PAPPA2: variants seen among roughly 807,000 people sequenced by gnomAD.
PAPPA2 encodes the protein pappalysin-2.
A neutral mutation model predicts 176.4 loss-of-function variants in PAPPA2; 86 were observed. The observed-to-expected ratio is 0.49, with a 90% CI of 0.41 to 0.58. The LOEUF (loss-of-function observed/expected upper bound fraction) is 0.58. PAPPA2 is among the 20% of genes least tolerant of loss of function. The pLI, the probability that PAPPA2 is intolerant of heterozygous loss-of-function variation, is 0.00. For synonymous variants in PAPPA2, 809 were observed against 852.2 expected (o/e 0.95, Z 0.88); for missense variants, 2,073 against 2,256.9 (o/e 0.92, Z 1.65).
At chr1:176,748,007 CAGCAA>C (rs1032716902) in intron 14 of PAPPA2, among the ~76,000 whole-genome samples, 1 of 152,230 alleles carries the variant, frequency 6.6e-6, no homozygotes, top group African/African-American at 2.4e-5. Context: ...AAGAGTCTCT[CAGCAA>C]GTAAATTTTA....
intron 2 of PAPPA2, among the ~76,000 whole-genome samples, chr1:176,581,254 C>A (rs940855086): frequency 5.3e-5 from 8 of 152,228 alleles, no homozygotes; most frequent in Admixed American, 1.3e-4. Flanking sequence ...GTACCTTAGT[C>A]AAAAATCAGT....
At position 176,594,702 on chromosome 1, in the gene PAPPA2, T is replaced by C. The variant is rs377213432; in HGVS notation, c.1098T>C (p.His366=). 2 of 1,614,208 alleles carry C rather than the reference T, an allele frequency of 1.2e-6. No individual in the cohort carries two copies. The highest frequency in any genetic ancestry group is 1.3e-5 in the African/African-American group (1 of 75,070). Residue 366 remains histidine (H), a synonymous_variant, in exon 3 of 23, where the codon CAT becomes CAC. Transcript: ENST00000367662. Reference sequence around the variant, plus strand: ...GCTACCAACCAGGCACATGGACCCATGTGGCAGCCACTTACGATGGACGGC... The same window carrying C: ...GCTACCAACCAGGCACATGGACCCACGTGGCAGCCACTTACGATGGACGGC... ...HSRYQPGTWT[H]VAATYDGRHM...
intron 2 of PAPPA2, among the ~76,000 whole-genome samples, chr1:176,567,711 GT>G (rs1259435632): frequency 2.0e-5 from 3 of 152,198 alleles, no homozygotes; most frequent in African/African-American, 7.2e-5. Context: ...CAAATTATAT[GT>G]GTATATGTAA....
intron 14 of PAPPA2, among the ~76,000 whole-genome samples, chr1:176,747,530 T>C (rs1348347288): frequency 6.6e-6 from 1 of 152,164 alleles, no homozygotes; most frequent in Non-Finnish European, 1.5e-5. Flanking sequence ...AAATCTTGTT[T>C]CTTAGAGAAG....
chr1:176,636,836 C>G (rs907607847), intron 3 of PAPPA2, among the ~76,000 whole-genome samples: 8 of 152,058 alleles, frequency 5.3e-5, no homozygotes, highest in African/African-American at 1.9e-4. Flanking sequence ...TTTTTAAGAA[C>G]CTATGTTCTT....
chr1:176,835,423 G>T (rs1667234815), intron 21 of PAPPA2, among the ~76,000 whole-genome samples: 1 of 152,126 alleles, frequency 6.6e-6, no homozygotes, highest in African/African-American at 2.4e-5. Context: ...CCCAGTGGTG[G>T]GATTGCTGGA....
At chr1:176,674,850 A>G (rs979930072) in intron 4 of PAPPA2, among the ~76,000 whole-genome samples, 6 of 151,264 alleles carry the variant, frequency 4.0e-5, no homozygotes, top group African/African-American at 9.7e-5. Context: ...AGGGATCTCC[A>G]TACTGTTTTT....
At chr1:176,507,063 A>C (rs1648309697) in intron 1 of PAPPA2, among the ~76,000 whole-genome samples, 1 of 152,152 alleles carries the variant, frequency 6.6e-6, no homozygotes, top group African/African-American at 2.4e-5. Context: ...AATATCCAGA[A>C]TCTATAGGGA....
intron 17 of PAPPA2, among the ~76,000 whole-genome samples, chr1:176,787,101 TTTG>T (rs1664970868): frequency 6.6e-6 from 1 of 152,184 alleles, no homozygotes; most frequent in Admixed American, 6.5e-5. Flanking sequence ...AAAAGTGCTG[TTTG>T]GAGGATTCAA....
At position 176,769,696 on chromosome 1, in the gene PAPPA2, G is replaced by A. The variant is rs267598194; in HGVS notation, c.4413G>A (p.Leu1471=). 2 of 1,613,950 alleles carry A rather than the reference G, an allele frequency of 1.2e-6. No homozygotes were observed. Among genetic ancestry groups the A allele is most frequent in the Admixed American group, 1.7e-5 (1 of 59,976 alleles). The change falls in exon 16 of 23, where the codon TTG becomes TTA. Residue 1471 remains leucine (L), a synonymous_variant. Coordinates refer to ENST00000367662, the MANE Select transcript of PAPPA2 (RefSeq NM_020318.3). ...ACTGCGGTGTTCCCGACCCGTCTTT[G>A]GTGAACTATGCAAACTTCTCCTGCT... The part of the protein sequence containing the change: ...PVDCGVPDPS[L]VNYANFSCSE...
intron 9 of PAPPA2, among the ~76,000 whole-genome samples, chr1:176,703,043 T>C (rs1660733759): frequency 6.6e-6 from 1 of 152,048 alleles, no homozygotes; most frequent in Admixed American, 6.6e-5. Flanking sequence ...GGGCCCCTTT[T>C]ATGGCCTCAG....
chr1:176,682,652 A>AC (rs1659640312), intron 4 of PAPPA2, among the ~76,000 whole-genome samples: 2 of 151,702 alleles, frequency 1.3e-5, no homozygotes, highest in African/African-American at 4.9e-5. Flanking sequence ...TAGCTATAAA[A>AC]AATAAAGATT....
intron 1 of PAPPA2, among the ~76,000 whole-genome samples, chr1:176,491,359 G>A (rs1204457789): frequency 6.6e-6 from 1 of 152,230 alleles, no homozygotes; most frequent in Non-Finnish European, 1.5e-5. Context: ...GGAGTTGGGA[G>A]CTGTCTTCAT....
chr1:176,667,344 G>A (rs1456775119), intron 3 of PAPPA2, among the ~76,000 whole-genome samples: 1 of 152,160 alleles, frequency 6.6e-6, no homozygotes, highest in Non-Finnish European at 1.5e-5. Flanking sequence ...GTGGAGTAAG[G>A]GGAGAGCCCA....
intron 2 of PAPPA2, among the ~76,000 whole-genome samples, chr1:176,571,438 G>C (rs1344195907): frequency 2.6e-5 from 4 of 152,154 alleles, no homozygotes; most frequent in Admixed American, 1.3e-4. Context: ...GAATTGTTGT[G>C]GTTAAATAAA....
rs1553206129 is a variant in PAPPA2, at chr1:176,797,645, A to AAT, written c.5131-2406_5131-2405dup. ...CTGGGTGACTGAGACTGTCTCAAAA[A>AAT]ATATATATATAAATAAATAAATAAT... On this transcript the variant is annotated intron_variant, in intron 20 of 22. Coordinates refer to ENST00000367662, the MANE Select transcript of PAPPA2 (RefSeq NM_020318.3). Among the ~76,000 whole-genome samples the AAT allele has an allele frequency of 4.6e-5, 7 of 151,870 alleles. No homozygotes were observed. The South Asian group carries it at 6.2e-4, about 14-fold the overall frequency.
chr1:176,673,248 C>T (rs1659107523), intron 4 of PAPPA2, among the ~76,000 whole-genome samples: 1 of 152,018 alleles, frequency 6.6e-6, no homozygotes, highest in Admixed American at 6.6e-5. Context: ...CTGTGCTTTC[C>T]AGATGAAAGC....
chr1:176,615,116 T>A (rs1408197591), intron 3 of PAPPA2, among the ~76,000 whole-genome samples: 4 of 152,182 alleles, frequency 2.6e-5, no homozygotes, highest in Non-Finnish European at 1.5e-5. Context: ...TTAAAGAGCA[T>A]ATTCTATATG....
chr1:176,666,712 A>G (rs1455464070), intron 3 of PAPPA2, among the ~76,000 whole-genome samples: 1 of 151,904 alleles, frequency 6.6e-6, no homozygotes, highest in African/African-American at 2.4e-5. Context: ...ATGAGCATCT[A>G]CTAAGAGTCA....
Sources: gnomAD v4.1 joint callset for allele counts (sites outside exome capture counted in the v4.1 genomes callset) on GRCh38, gnomAD v4.1.1 for gene constraint, MANE v1.5 for transcripts, NCBI Gene and HGNC (gene_info 2026-07-23, HGNC 2026-07-21) for gene names.